Variants in SSBP3 observed in about 807,000 individuals in gnomAD.
SSBP3 encodes the protein single-stranded DNA-binding protein 3.
In SSBP3, 5 loss-of-function variants were observed where a neutral mutation model predicts 69.6. The observed-to-expected ratio is 0.07, with a 90% CI of 0.04 to 0.15. The LOEUF (loss-of-function observed/expected upper bound fraction) is 0.15. Among genes scored for constraint, SSBP3 ranks in the 10% least tolerant of loss-of-function variants. SSBP3 has a pLI of 1.00. For missense variants in SSBP3, 312 were observed against 534.0 expected, an observed-to-expected ratio of 0.58 and a Z score of 4.10; for synonymous variants, 196 against 193.4, an observed-to-expected ratio of 1.01 and a Z score of -0.11.
At chr1:54,304,470 C>A (rs1645860706) in intron 4 of SSBP3, among the ~76,000 whole-genome samples, 1 of 152,188 alleles carries the variant, frequency 6.6e-6, no homozygotes, top group South Asian at 2.1e-4. Flanking sequence ...CTGCACGCAG[C>A]AGGAGTGAAG....
At chr1:54,302,545 G>A (rs1054839917) in intron 4 of SSBP3, among the ~76,000 whole-genome samples, 1 of 152,078 alleles carries the variant, frequency 6.6e-6, no homozygotes, top group Non-Finnish European at 1.5e-5. Flanking sequence ...TTAGCATAAT[G>A]TTGATGTGTT....
chr1:54,412,335 A>G (rs796973827), intron 1 of SSBP3, among the ~76,000 whole-genome samples: 1 of 152,252 alleles, frequency 6.6e-6, no homozygotes, highest in Non-Finnish European at 1.5e-5. Context: ...TCTCAAAAAA[A>G]TTTAAAAATA....
chr1:54,242,497 T>G (rs1192269933), intron 10 of SSBP3, among the ~76,000 whole-genome samples: 1 of 152,204 alleles, frequency 6.6e-6, no homozygotes, highest in African/African-American at 2.4e-5. Flanking sequence ...GAGTCCACAT[T>G]CTCACAACAG....
intron 2 of SSBP3, 47 bp downstream of exon 2, chr1:54,404,808 TGGG>T (rs147574789): frequency 2.3e-4 from 146 of 631,080 alleles, no homozygotes; most frequent in Middle Eastern, 4.2e-4. Context: ...CTAAGAATAG[TGGG>T]GGGGGGGGGT....
chr1:54,318,251 A>G (rs533087128), intron 4 of SSBP3, among the ~76,000 whole-genome samples: 16 of 152,208 alleles, frequency 1.1e-4, no homozygotes, highest in Admixed American at 7.9e-4. Flanking sequence ...CCTCCAAAAA[A>G]CCAAACCAGG....
intron 4 of SSBP3, among the ~76,000 whole-genome samples, chr1:54,352,114 A>T (rs1646789534): frequency 6.6e-6 from 1 of 152,140 alleles, no homozygotes; most frequent in African/African-American, 2.4e-5. Flanking sequence ...TGGGCAATAT[A>T]GTGAGACCCT....
intron 17 of SSBP3, 44 bp downstream of exon 17, chr1:54,228,211 C>G (rs1447758682): frequency 6.3e-7 from 1 of 1,576,940 alleles, no homozygotes; most frequent in Non-Finnish European, 8.7e-7. Flanking sequence ...GAAAGAGTCC[C>G]CAGGCCGTGG....
chr1:54,309,976 C>T (rs183200008), intron 4 of SSBP3, among the ~76,000 whole-genome samples: 240 of 152,194 alleles, frequency 1.6e-3, no homozygotes, highest in African/African-American at 5.5e-3. Context: ...AAACAAAAGG[C>T]GAGACACAGC....
chr1:54,379,671 G>C (rs1244013640), intron 4 of SSBP3, among the ~76,000 whole-genome samples: 1 of 152,142 alleles, frequency 6.6e-6, no homozygotes, highest in African/African-American at 2.4e-5. Context: ...CCATCGGCAG[G>C]GACAGTAGGA....
At chr1:54,392,331 G>A (rs1255039918) in intron 4 of SSBP3, among the ~76,000 whole-genome samples, 1 of 152,216 alleles carries the variant, frequency 6.6e-6, no homozygotes, top group African/African-American at 2.4e-5. Flanking sequence ...CACTTAACTT[G>A]TAGGAACTAA....
At chr1:54,291,197 C>A (rs1174734003) in intron 4 of SSBP3, among the ~76,000 whole-genome samples, 1 of 152,048 alleles carries the variant, frequency 6.6e-6, no homozygotes, top group Non-Finnish European at 1.5e-5. Flanking sequence ...AAAGGCAGGG[C>A]CCTCAGAACA....
intron 4 of SSBP3, among the ~76,000 whole-genome samples, chr1:54,316,920 G>A (rs1417022614): frequency 2.0e-5 from 3 of 151,960 alleles, no homozygotes; most frequent in Admixed American, 6.6e-5. Context: ...ATCCTCACAC[G>A]GCATCCCTTC....
chr1:54,316,646 T>C (rs1646104352), intron 4 of SSBP3, among the ~76,000 whole-genome samples: 1 of 42,878 alleles, frequency 2.3e-5, no homozygotes, highest in Non-Finnish European at 3.2e-5. Flanking sequence ...AGACTCCGTC[T>C]CAAAAAAAAA....
chr1:54,273,935 C>T (rs796272053), intron 5 of SSBP3, among the ~76,000 whole-genome samples: 5 of 152,188 alleles, frequency 3.3e-5, no homozygotes, highest in South Asian at 4.1e-4. Context: ...GCAGTTGGGG[C>T]GCCCCACCTC....
intron 6 of SSBP3, among the ~76,000 whole-genome samples, chr1:54,257,505 G>A (rs915679849): frequency 6.6e-6 from 1 of 152,108 alleles, no homozygotes; most frequent in African/African-American, 2.4e-5. Flanking sequence ...CTCTGCTCTC[G>A]GTAAGGGCAA....
chr1:54,251,339 A>G (rs1644825098), intron 9 of SSBP3, among the ~76,000 whole-genome samples: 1 of 152,160 alleles, frequency 6.6e-6, no homozygotes, highest in Admixed American at 6.5e-5. Context: ...CCGCACCCCA[A>G]AAGGGTCTGC....
intron 4 of SSBP3, among the ~76,000 whole-genome samples, chr1:54,378,005 C>T (rs561941185): frequency 2.1e-4 from 32 of 152,208 alleles, no homozygotes; most frequent in African/African-American, 7.7e-4. Flanking sequence ...CAATTCTGCT[C>T]GGCCTCAACA....
chr1:54,230,539 G>A (rs1557437112), intron 14 of SSBP3, among the ~76,000 whole-genome samples: 1 of 152,102 alleles, frequency 6.6e-6, no homozygotes, highest in Non-Finnish European at 1.5e-5. Context: ...AATTCACAGA[G>A]CATATAACTG....
rs552403932 is a variant in SSBP3, at chr1:54,343,617, T to C, written c.276+58244A>G. 2.0e-5 allele frequency among the ~76,000 whole-genome samples: 3 copies of C among 152,256 alleles called. No individual in the cohort carries two copies. The South Asian group carries it at 6.2e-4, about 32-fold the overall frequency. The stretch of plus-strand genomic sequence containing the variant: ...CAACCCCTGGCCTTATGGCGCACAA[T>C]TATTTGAATACATGTGAATGTGCAG... On this transcript the variant is annotated intron_variant, in intron 4 of 17. Transcript: ENST00000610401.
Sources: gnomAD v4.1 joint callset for allele counts (sites outside exome capture counted in the v4.1 genomes callset) on GRCh38, gnomAD v4.1.1 for gene constraint, MANE v1.5 for transcripts, NCBI Gene and HGNC (gene_info 2026-07-23, HGNC 2026-07-21) for gene names.